Variants in PREX1 observed in about 807,000 individuals in gnomAD.
PREX1 encodes phosphatidylinositol 3,4,5-trisphosphate-dependent Rac exchanger 1 protein.
PREX1 carries 41 observed loss-of-function variants against 198.3 expected under a neutral mutation model. The observed-to-expected ratio is 0.21, with a 90% CI of 0.16 to 0.27. The LOEUF (loss-of-function observed/expected upper bound fraction) is 0.27. Among genes scored for constraint, PREX1 ranks in the 10% least tolerant of loss-of-function variants. The pLI, the probability that PREX1 is intolerant of heterozygous loss-of-function variation, is 1.00. For missense variants in PREX1, 1,620 were observed against 2,200.7 expected (o/e 0.74, Z 5.28); for synonymous variants, 843 against 887.2 (o/e 0.95, Z 0.89).
At chr20:48,708,820 C>G (rs1450161425) in intron 5 of PREX1, among the ~76,000 whole-genome samples, 1 of 152,088 alleles carries the variant, frequency 6.6e-6, no homozygotes, top group Non-Finnish European at 1.5e-5. Flanking sequence ...TAATGAGGAA[C>G]AGAAAGGAGG....
chr20:48,630,908 A>G lies in PREX1; in HGVS notation c.4527-114T>C. 6.4e-6 allele frequency: 5 copies of G among 780,844 alleles called. 1 individual carries two copies. The South Asian group carries it at 7.8e-5, about 12-fold the overall frequency. The allele number at this position is 780,844 out of a possible 1,614,324, so 48.4% of individuals were successfully genotyped here. Reference sequence around the variant, plus strand: ...GACTCCGCCCTCTGCCGACTCTCAGAATGAAATCCCTGAGAGCGCCTGCAG... The same window carrying G: ...GACTCCGCCCTCTGCCGACTCTCAGGATGAAATCCCTGAGAGCGCCTGCAG... On this transcript the variant is annotated intron_variant, in intron 35 of 39. Transcript: ENST00000371941.
At chr20:48,743,519 C>T (rs2090091745) in intron 3 of PREX1, among the ~76,000 whole-genome samples, 1 of 152,174 alleles carries the variant, frequency 6.6e-6, no homozygotes, top group Admixed American at 6.5e-5. Flanking sequence ...GCTCAATGCC[C>T]TCCGCTAGCA....
At position 48,745,031 on chromosome 20, in the gene PREX1, T is replaced by G; in HGVS notation, c.408A>C (p.Leu136Phe). 6.2e-7 allele frequency: 1 copy of G among 1,613,958 alleles called. No homozygotes were observed. Among genetic ancestry groups the G allele is most frequent in the Non-Finnish European group, 8.5e-7 (1 of 1,179,830 alleles). Reference sequence around the variant, plus strand: ...GCAGTGGCATGGTACTCACGAATTTTAAGAAAACATTCCCAAGTTCATGCT... The same window carrying G: ...GCAGTGGCATGGTACTCACGAATTTGAAGAAAACATTCCCAAGTTCATGCT... ...QSQHELGNVF[L>F]KFKDKFCVYE... The change falls in exon 3 of 40, where the codon TTA becomes TTC. Residue 136 changes from leucine (L) to phenylalanine (F), a missense_variant. Leu to Phe is a conservative substitution (Grantham distance 22, BLOSUM62 0). Transcript: ENST00000371941.
At chr20:48,728,294 G>A (rs541926460) in intron 4 of PREX1, among the ~76,000 whole-genome samples, 4 of 152,350 alleles carry the variant, frequency 2.6e-5, no homozygotes, top group Admixed American at 1.3e-4. Context: ...GCCACACGCT[G>A]TGCCTTGTGC....
In PREX1 at chr20:48,690,796, C is replaced by T. The variant is rs533317546; in HGVS notation, c.1186+151G>A. On this transcript the variant is annotated intron_variant, in intron 9 of 39. Transcript: ENST00000371941. The stretch of plus-strand genomic sequence containing the variant: ...AGGTACCACCAAGTTGGAATAGTCC[C>T]AGAGCTCCCTGTCCCTTCAAATACC... 1.6e-4 allele frequency: 186 copies of T among 1,135,244 alleles called. 1 individual carries two copies. The Admixed American group carries it at 1.9e-3, about 11-fold the overall frequency. The allele number at this position is 1,135,244 out of a possible 1,614,324, so 70.3% of individuals were successfully genotyped here.
chr20:48,837,842 GAGAC>G, the PREX1 span, among the ~76,000 whole-genome samples: 1 of 148,794 alleles, frequency 6.7e-6, no homozygotes, highest in Non-Finnish European at 1.5e-5. Flanking sequence ...GAGAGAGAGA[GAGAC>G]AGAGAGAAAG....
chr20:48,691,015 A>G lies in PREX1; in HGVS notation c.1118T>C (p.Met373Thr), dbSNP rs753973312. 4.3e-6 allele frequency: 7 copies of G among 1,614,238 alleles called. No homozygotes were observed. The highest frequency in any genetic ancestry group is 5.9e-6 in the Non-Finnish European group (7 of 1,180,048). The change falls in exon 9 of 40, where the codon ATG (methionine) becomes ACG (threonine). Residue 373 changes from methionine (M) to threonine (T), a missense_variant. Met to Thr is a moderately conservative substitution (Grantham distance 81). This residue lies in a region of PREX1 where 488 missense variants were observed against 802.5 expected (regional missense o/e 0.61). Transcript: ENST00000371941. This position sits in a 1 kb window ranked among gnomAD's most constrained non-coding sequence, Gnocchi z 5.0. ...CTGCTTCTCCTCTGCCGTCTTGGCC[A>G]TGCAGACAAACCACTTATTCTTGGC... is the stretch of plus-strand genomic sequence containing the variant. Reference protein sequence around the residue: ...NTAKNKWFVCMAKTAEEKQKW... With the variant: ...NTAKNKWFVCTAKTAEEKQKW...
the PREX1 span, among the ~76,000 whole-genome samples, chr20:48,854,527 C>T: frequency 6.6e-6 from 1 of 152,106 alleles, no homozygotes. Context: ...CACCACTGCA[C>T]TCCAGCCTGG....
chr20:48,826,986 T>C (rs2090511927), intron 1 of PREX1, among the ~76,000 whole-genome samples: 1 of 152,238 alleles, frequency 6.6e-6, no homozygotes. Flanking sequence ...TGGTCGGTTG[T>C]TATTTTACAA....
At chr20:48,676,303 G>C in intron 13 of PREX1, 35 bp from the exon 14 acceptor site, 1 of 1,596,580 alleles carries the variant, frequency 6.3e-7, no homozygotes, top group South Asian at 1.1e-5. Flanking sequence ...GAGCAGGGCA[G>C]GGCGGGGAGG....
chr20:48,707,620 A>G (rs1488630227), intron 6 of PREX1, among the ~76,000 whole-genome samples: 2 of 152,198 alleles, frequency 1.3e-5, no homozygotes. Context: ...ATTTACTCTG[A>G]TATGGATTTT....
chr20:48,736,666 C>T (rs2090058377), intron 3 of PREX1, among the ~76,000 whole-genome samples: 1 of 152,212 alleles, frequency 6.6e-6, no homozygotes, highest in African/African-American at 2.4e-5. Flanking sequence ...TGAGTGGGGG[C>T]TGCTGGACAC....
intron 3 of PREX1, 147 bp from the exon 4 acceptor site, chr20:48,734,797 G>A (rs776295933): frequency 1.0e-4 from 64 of 626,354 alleles, no homozygotes; most frequent in Middle Eastern, 3.2e-4. Flanking sequence ...CAGGTAAAGC[G>A]GCTCCACTCA....
intron 1 of PREX1, among the ~76,000 whole-genome samples, chr20:48,823,198 C>T (rs547850614): frequency 6.6e-6 from 1 of 152,284 alleles, no homozygotes; most frequent in Admixed American, 6.5e-5. Flanking sequence ...GCTCTCTGTC[C>T]TCAGCCACGG....
chr20:48,657,727 G>A (rs745492861), intron 17 of PREX1, among the ~76,000 whole-genome samples: 6 of 151,380 alleles, frequency 4.0e-5, no homozygotes, highest in Admixed American at 2.6e-4. Context: ...AGGCAAAGCC[G>A]GAAGGCCCCA....
intron 6 of PREX1, 69 bp downstream of exon 6, chr20:48,708,191 T>G: frequency 6.5e-7 from 1 of 1,543,802 alleles, no homozygotes. Flanking sequence ...CAGGCCTCAG[T>G]TCATGACTGC....
intron 1 of PREX1, among the ~76,000 whole-genome samples, chr20:48,811,178 AT>A (rs74264317): frequency 0.076 from 11,481 of 150,630 alleles, 542 homozygotes; most frequent in East Asian, 0.12. Flanking sequence ...GTAAATAACA[AT>A]TTTTTTTTTA....
chr20:48,796,048 C>A (rs2122990364), intron 1 of PREX1, among the ~76,000 whole-genome samples: 1 of 152,312 alleles, frequency 6.6e-6, no homozygotes, highest in Middle Eastern at 3.4e-3. Flanking sequence ...TGGAGGCAAC[C>A]AGGAACACGA....
chr20:48,836,806 T>G, the PREX1 span, among the ~76,000 whole-genome samples: 2 of 149,464 alleles, frequency 1.3e-5, no homozygotes, highest in African/African-American at 4.9e-5. Context: ...TCCCCACTAC[T>G]CTGGAGGCTA....
Sources: allele counts gnomAD v4.1 joint callset (sites outside exome capture counted in the v4.1 genomes callset), GRCh38; gene constraint gnomAD v4.1.1; regional missense constraint gnomAD v4.1.1; non-coding constraint Gnocchi (gnomAD v3.1); transcripts MANE v1.5; gene names NCBI Gene and HGNC (gene_info 2026-07-23, HGNC 2026-07-21).